TCF7L1: variants seen among roughly 807,000 people sequenced by gnomAD.
TCF7L1 encodes the protein transcription factor 7 like 1.
TCF7L1 carries 18 observed loss-of-function variants against 63.7 expected under a neutral mutation model. The ratio of observed to expected loss-of-function variants is 0.28; its 90% CI spans 0.20 to 0.42. The LOEUF is 0.42. TCF7L1 is among the 10% of genes least tolerant of loss of function. The pLI is 1.00. For missense variants in TCF7L1, 654 were observed against 779.3 expected (o/e 0.84, Z 1.91); for synonymous variants, 355 against 340.9 (o/e 1.04, Z -0.46).
chr2:85,289,630 G>A (rs1417574288), intron 4 of TCF7L1, among the ~76,000 whole-genome samples: 1 of 152,132 alleles, frequency 6.6e-6, no homozygotes, highest in Non-Finnish European at 1.5e-5. Flanking sequence ...CTTCCTGGTT[G>A]CCTTTTATTT....
intron 3 of TCF7L1, among the ~76,000 whole-genome samples, chr2:85,282,777 C>A (rs1171911654): frequency 7.7e-6 from 1 of 130,656 alleles, no homozygotes; most frequent in Non-Finnish European, 1.6e-5. Flanking sequence ...CTGTGCCATG[C>A]CAGAGAGAGA....
At chr2:85,301,070 G>A (rs1224880212) in intron 4 of TCF7L1, among the ~76,000 whole-genome samples, 7 of 152,276 alleles carry the variant, frequency 4.6e-5, no homozygotes, top group African/African-American at 1.4e-4. Flanking sequence ...ATGAGTCATC[G>A]TGCCCGGCCA....
intron 3 of TCF7L1, among the ~76,000 whole-genome samples, chr2:85,281,469 A>G (rs1558655174): frequency 6.6e-6 from 1 of 152,218 alleles, no homozygotes; most frequent in Non-Finnish European, 1.5e-5. Flanking sequence ...AGTTTTAACT[A>G]TTGATACCAA....
chr2:85,144,719 C>CTCTCTGTGTGTGTGTGTG (rs1553393493), intron 3 of TCF7L1, among the ~76,000 whole-genome samples: 3 of 140,446 alleles, frequency 2.1e-5, no homozygotes, highest in African/African-American at 5.5e-5. Flanking sequence ...CTCTCTCTCT[C>CTCTCTGTGTGTGTGTGTG]TGTGTGTGTG....
At chr2:85,140,382 G>T (rs1677698733) in intron 3 of TCF7L1, among the ~76,000 whole-genome samples, 1 of 152,150 alleles carries the variant, frequency 6.6e-6, no homozygotes, top group South Asian at 2.1e-4. Context: ...GTAGGAGAAG[G>T]GATGCTTAGA....
At chr2:85,247,143 G>A (rs772569517) in intron 3 of TCF7L1, among the ~76,000 whole-genome samples, 2 of 152,176 alleles carry the variant, frequency 1.3e-5, no homozygotes, top group Non-Finnish European at 2.9e-5. Context: ...CAGTTCAACA[G>A]AATCCATTTT....
At chr2:85,186,556 A>G (rs1232113073) in intron 3 of TCF7L1, 1 of 152,234 alleles carries the variant, frequency 6.6e-6, no homozygotes, top group African/African-American at 2.4e-5. Flanking sequence ...TATGGCTCCC[A>G]TTGTGTCTTC....
intron 3 of TCF7L1, among the ~76,000 whole-genome samples, chr2:85,232,518 G>A (rs769860154): frequency 8.5e-5 from 13 of 152,086 alleles, no homozygotes; most frequent in Admixed American, 2.6e-4. Context: ...GTCTCATTCC[G>A]CCAAGACCTC....
At chr2:85,274,988 A>G (rs1051835943) in intron 3 of TCF7L1, among the ~76,000 whole-genome samples, 4 of 152,044 alleles carry the variant, frequency 2.6e-5, no homozygotes, top group South Asian at 4.1e-4. Context: ...TCTTATTCCT[A>G]TTTTACATGT....
chr2:85,279,689 A>G lies in TCF7L1; in HGVS notation c.442-3806A>G, dbSNP rs1573023088. ...CCCCCGTCACTCATCTCCAAAACTTAAAAAGACAAATAGAAAAGGGAAAGT... is the reference window on the plus strand; with the variant it reads ...CCCCCGTCACTCATCTCCAAAACTTGAAAAGACAAATAGAAAAGGGAAAGT... On this transcript the variant is annotated intron_variant, in intron 3 of 11. Transcript: ENST00000282111. Among the ~76,000 whole-genome samples the G allele has an allele frequency of 2.0e-5, 3 of 152,250 alleles. No individual in the cohort carries two copies. The Middle Eastern group carries it at 0.01, about 518-fold the overall frequency.
intron 4 of TCF7L1, among the ~76,000 whole-genome samples, chr2:85,289,021 C>T (rs1681624579): frequency 6.6e-6 from 1 of 152,104 alleles, no homozygotes; most frequent in African/African-American, 2.4e-5. Flanking sequence ...AAGTTAATAC[C>T]CCTTCTCTAC....
chr2:85,268,894 C>T (rs188831524), intron 3 of TCF7L1, among the ~76,000 whole-genome samples: 52 of 151,982 alleles, frequency 3.4e-4, no homozygotes, highest in Admixed American at 1.5e-3. Flanking sequence ...CCTGGAGGAA[C>T]GAGTGTGGGG....
At chr2:85,283,930 C>T (rs1681482865) in intron 4 of TCF7L1, among the ~76,000 whole-genome samples, 1 of 152,258 alleles carries the variant, frequency 6.6e-6, no homozygotes, top group Non-Finnish European at 1.5e-5. Context: ...CCTGTTGAGG[C>T]TTACCCAGAA....
At chr2:85,297,502 C>G (rs925069990) in intron 4 of TCF7L1, among the ~76,000 whole-genome samples, 1 of 152,188 alleles carries the variant, frequency 6.6e-6, no homozygotes, top group African/African-American at 2.4e-5. Flanking sequence ...ATCAACGTGT[C>G]CAGCTCCCCA....
chr2:85,185,904 G>A (rs1327965641), intron 3 of TCF7L1, among the ~76,000 whole-genome samples: 4 of 151,840 alleles, frequency 2.6e-5, no homozygotes. Flanking sequence ...TTAGATCCTC[G>A]GAGCAGCCTG....
chr2:85,194,026 G>T (rs1572986038), intron 3 of TCF7L1, among the ~76,000 whole-genome samples: 1 of 152,068 alleles, frequency 6.6e-6, no homozygotes, highest in East Asian at 1.9e-4. Flanking sequence ...TGAAAAGATG[G>T]GAGAGGGGCT....
chr2:85,147,026 C>T (rs996984441), intron 3 of TCF7L1, among the ~76,000 whole-genome samples: 81 of 152,162 alleles, frequency 5.3e-4, no homozygotes, highest in African/African-American at 1.9e-3. Context: ...ACACTTGGTT[C>T]CTTAAATATC....
At chr2:85,260,530 A>G (rs561984374) in intron 3 of TCF7L1, among the ~76,000 whole-genome samples, 5 of 151,844 alleles carry the variant, frequency 3.3e-5, no homozygotes, top group East Asian at 1.9e-4. Context: ...AGTCCCAGCT[A>G]CCCGGTGGGG....
chr2:85,285,582 A>G (rs1357065007), intron 4 of TCF7L1, among the ~76,000 whole-genome samples: 1 of 152,220 alleles, frequency 6.6e-6, no homozygotes, highest in East Asian at 1.9e-4. Flanking sequence ...CCTCAGGCAT[A>G]AGCCAGGGTA....
Sources: allele counts gnomAD v4.1 joint callset (sites outside exome capture counted in the v4.1 genomes callset), GRCh38; gene constraint gnomAD v4.1.1; transcripts MANE v1.5; gene names NCBI Gene and HGNC (gene_info 2026-07-23, HGNC 2026-07-21).